Variants in ZEB1 observed in about 807,000 individuals in gnomAD.
ZEB1 encodes the protein zinc finger E-box-binding homeobox 1.
In ZEB1, 21 loss-of-function variants were observed where a neutral mutation model predicts 84.9. The ratio of observed to expected loss-of-function variants is 0.25; its 90% CI spans 0.18 to 0.36. The LOEUF (loss-of-function observed/expected upper bound fraction) is 0.36, where lower values mean the gene tolerates loss of function less well. ZEB1 is among the 10% of genes least tolerant of loss of function. ZEB1 has a pLI of 1.00. For synonymous variants in ZEB1, 420 were observed against 471.1 expected (o/e 0.89, Z 1.41); for missense variants, 1,104 against 1,330.2 (o/e 0.83, Z 2.65).
chr10:31,486,026 TTCAC>T (rs2065711646), intron 2 of ZEB1, among the ~76,000 whole-genome samples: 1 of 151,880 alleles, frequency 6.6e-6, no homozygotes, highest in Non-Finnish European at 1.5e-5. Context: ...ACATTTCTAT[TTCAC>T]TCAGATGTAT....
At chr10:31,510,538 A>G in intron 4 of ZEB1, 135 bp from the exon 5 acceptor site, 5 of 709,564 alleles carry the variant, frequency 7.0e-6, no homozygotes, top group Non-Finnish European at 1.2e-5. Flanking sequence ...AGAGATGAGT[A>G]TCATTGCATT....
intron 1 of ZEB1, among the ~76,000 whole-genome samples, chr10:31,412,992 G>A (rs995259273): frequency 6.6e-6 from 1 of 152,080 alleles, no homozygotes; most frequent in Admixed American, 6.5e-5. Flanking sequence ...ATATATTTAG[G>A]AATTTTTAAA....
chr10:31,473,297 T>A (rs1217381459), intron 2 of ZEB1, among the ~76,000 whole-genome samples: 2 of 149,158 alleles, frequency 1.3e-5, no homozygotes, highest in Non-Finnish European at 3.0e-5. Flanking sequence ...CATGATTGTA[T>A]ATCTAGAAAA....
chr10:31,361,627 C>T (rs1191861645), intron 1 of ZEB1, among the ~76,000 whole-genome samples: 1 of 150,600 alleles, frequency 6.6e-6, no homozygotes, highest in Non-Finnish European at 1.5e-5. Flanking sequence ...GCACTCCTCC[C>T]TTACAAATGG....
At chr10:31,430,751 T>A (rs2057612502) in intron 1 of ZEB1, among the ~76,000 whole-genome samples, 1 of 152,230 alleles carries the variant, frequency 6.6e-6, no homozygotes, top group Non-Finnish European at 1.5e-5. Flanking sequence ...GAAATATATT[T>A]AGATTATAAG....
At chr10:31,331,065 TC>T (rs1421847029) in intron 1 of ZEB1, among the ~76,000 whole-genome samples, 2 of 149,178 alleles carry the variant, frequency 1.3e-5, no homozygotes, top group Non-Finnish European at 3.0e-5. Flanking sequence ...CATTTTCTTT[TC>T]TTTTTTCTTT....
rs118084145 is a variant in ZEB1, at chr10:31,478,989, A to G, written c.260-16787A>G. Among the ~76,000 whole-genome samples, 1,512 of 151,976 alleles carry G rather than the reference A, an allele frequency of 9.9e-3. 23 individuals carry two copies. Among genetic ancestry groups the G allele is most frequent in the Non-Finnish European group, 0.014 (967 of 67,818 alleles). ...AACCTCACTATTATGTAATATATCT[A>G]TGTGATAAACCTGCACATGTGCCCC... On this transcript the variant is annotated intron_variant, in intron 2 of 8. Transcript: ENST00000424869.
At chr10:31,455,146 C>T (rs918586619) in intron 1 of ZEB1, among the ~76,000 whole-genome samples, 1 of 152,046 alleles carries the variant, frequency 6.6e-6, no homozygotes, top group Non-Finnish European at 1.5e-5. Flanking sequence ...AAACCTGACA[C>T]AAACAAGAAA....
At chr10:31,365,375 A>T (rs1028506598) in intron 1 of ZEB1, among the ~76,000 whole-genome samples, 6 of 152,220 alleles carry the variant, frequency 3.9e-5, no homozygotes, top group Non-Finnish European at 7.3e-5. Context: ...GGAAACATGT[A>T]TGAAAAACCA....
At chr10:31,363,490 G>A (rs771503462) in intron 1 of ZEB1, 2 of 1,531,268 alleles carry the variant, frequency 1.3e-6, no homozygotes, top group East Asian at 2.4e-5. Flanking sequence ...GGGCCTAGAG[G>A]TGGAGGCTGC....
At chr10:31,456,106 A>C (rs541321791) in intron 1 of ZEB1, among the ~76,000 whole-genome samples, 1 of 152,332 alleles carries the variant, frequency 6.6e-6, no homozygotes, top group South Asian at 2.1e-4. Context: ...TCTCCTTTGC[A>C]GGGACATGGA....
intron 1 of ZEB1, among the ~76,000 whole-genome samples, chr10:31,419,230 C>T (rs975343987): frequency 6.6e-6 from 1 of 151,972 alleles, no homozygotes; most frequent in African/African-American, 2.4e-5. Context: ...GAACAATGAG[C>T]TGGTGGTAGA....
intron 2 of ZEB1, among the ~76,000 whole-genome samples, chr10:31,463,975 T>C (rs756722776): frequency 3.9e-5 from 6 of 152,300 alleles, no homozygotes; most frequent in Admixed American, 2.0e-4. Flanking sequence ...ATTTATAAAA[T>C]GACTACTGTC....
chr10:31,336,987 A>G (rs984822295), intron 1 of ZEB1, among the ~76,000 whole-genome samples: 6 of 152,206 alleles, frequency 3.9e-5, no homozygotes, highest in African/African-American at 1.4e-4. Context: ...ATCTCTATAC[A>G]GACATACCAG....
At chr10:31,433,301 G>T (rs912568906) in intron 1 of ZEB1, among the ~76,000 whole-genome samples, 1 of 152,104 alleles carries the variant, frequency 6.6e-6, no homozygotes, top group African/African-American at 2.4e-5. Flanking sequence ...CTTCAGAAGG[G>T]TCTTCAAAAT....
intron 1 of ZEB1, among the ~76,000 whole-genome samples, chr10:31,353,304 C>CT (rs1220770898): frequency 1.3e-5 from 2 of 152,224 alleles, no homozygotes; most frequent in Non-Finnish European, 2.9e-5. Flanking sequence ...CATCTAAAGT[C>CT]TTTGTCTTAC....
chr10:31,498,689 G>C (rs1234107948), intron 3 of ZEB1, among the ~76,000 whole-genome samples: 1 of 151,888 alleles, frequency 6.6e-6, no homozygotes, highest in African/African-American at 2.4e-5. Context: ...TTCTGGCAGA[G>C]TAAAACATTG....
At chr10:31,516,539 TAAAAAAAAAAAAAAAA>T (rs71027029) in intron 6 of ZEB1, among the ~76,000 whole-genome samples, 798 of 34,050 alleles carry the variant, frequency 0.023, 9 homozygotes, top group African/African-American at 0.073. Flanking sequence ...TGTCTGTAAG[TAAAAAAAAAAAAAAAA>T]AAAAAAAAAA....
intron 1 of ZEB1, among the ~76,000 whole-genome samples, chr10:31,392,781 A>T (rs116210391): frequency 0.016 from 2,417 of 151,364 alleles, 54 homozygotes; most frequent in African/African-American, 0.055. Context: ...CATATATATA[A>T]ATGTAAAATA....
Sources: gnomAD v4.1 joint callset for allele counts (sites outside exome capture counted in the v4.1 genomes callset) on GRCh38, gnomAD v4.1.1 for gene constraint, MANE v1.5 for transcripts, NCBI Gene and HGNC (gene_info 2026-07-23, HGNC 2026-07-21) for gene names.